The following SMAP2 variants were observed in gnomAD, a reference collection of about 807,000 sequenced individuals.
SMAP2 encodes stromal membrane-associated protein 2.
In SMAP2, 25 loss-of-function variants were observed where a neutral mutation model predicts 56.4. That is an observed-to-expected ratio of 0.44 (90% CI 0.32 to 0.62). SMAP2 has a LOEUF of 0.62. Among genes scored for constraint, SMAP2 ranks in the 20% least tolerant of loss-of-function variants. The pLI, the probability that SMAP2 is intolerant of heterozygous loss-of-function variation, is 0.04. For missense variants in SMAP2, 388 were observed against 545.6 expected (o/e 0.71, Z 2.88); for synonymous variants, 157 against 181.7 (o/e 0.86, Z 1.09).
In SMAP2 at chr1:40,354,502, C is replaced by A. The variant is rs139427509; in HGVS notation, c.-82-7798C>A. Among the ~76,000 whole-genome samples, 4 of 151,928 alleles carry A rather than the reference C, an allele frequency of 2.6e-5. No homozygotes were observed. The South Asian group carries it at 6.2e-4, about 24-fold the overall frequency. On this transcript the variant is annotated intron_variant, in intron 1 of 6. Coordinates refer to the SMAP2 transcript ENST00000435168. ...TACAGGCGCCCACCACCACACCCAG[C>A]TAATTTTTGTATTTTTAGTAGAGAT...
chr1:40,350,234 A>G (rs556218138), intron 1 of SMAP2, among the ~76,000 whole-genome samples: 75 of 152,322 alleles, frequency 4.9e-4, no homozygotes, highest in Non-Finnish European at 9.7e-4. Context: ...TTCCTGAGTC[A>G]TGGCCTTCAG....
intron 6 of SMAP2, among the ~76,000 whole-genome samples, chr1:40,414,829 G>C (rs1277256784): frequency 6.6e-6 from 1 of 152,196 alleles, no homozygotes; most frequent in Non-Finnish European, 1.5e-5. Flanking sequence ...TGCCCTTTCA[G>C]AAAGAAAGCC....
chr1:40,410,227 C>T (rs549449784), intron 4 of SMAP2, among the ~76,000 whole-genome samples: 7 of 152,094 alleles, frequency 4.6e-5, no homozygotes, highest in East Asian at 1.9e-4. Flanking sequence ...GTCTAGGCAA[C>T]GGAGTTTGAC....
intron 1 of SMAP2, among the ~76,000 whole-genome samples, chr1:40,388,203 G>C (rs1644679613): frequency 6.6e-6 from 1 of 152,148 alleles, no homozygotes; most frequent in Non-Finnish European, 1.5e-5. Context: ...ACGGCACCCG[G>C]TCCCATCAAC....
intron 1 of SMAP2, among the ~76,000 whole-genome samples, chr1:40,355,246 T>G (rs209593): frequency 0.65 from 98,553 of 152,074 alleles, 32,331 homozygotes; most frequent in East Asian, 0.92. Flanking sequence ...TCTACTCAGG[T>G]TATGATAGTG....
chr1:40,361,361 T>C (rs1206539172), intron 1 of SMAP2, among the ~76,000 whole-genome samples: 3 of 152,158 alleles, frequency 2.0e-5, no homozygotes, highest in African/African-American at 7.2e-5. Context: ...GGACTCACCA[T>C]GGGCCTTGGG....
At chr1:40,418,284 A>G (rs1331630560) in intron 9 of SMAP2, among the ~76,000 whole-genome samples, 1 of 152,216 alleles carries the variant, frequency 6.6e-6, no homozygotes, top group African/African-American at 2.4e-5. Flanking sequence ...CTAAAGAACA[A>G]TAGATTGAGC....
rs1314045003 is a variant in SMAP2 at position 40,405,099 on chromosome 1, A to G, written c.104-1637A>G. 1.4e-5 allele frequency among the ~76,000 whole-genome samples: 2 copies of G among 144,346 alleles called. 1 individual carries two copies. Among genetic ancestry groups the G allele is most frequent in the African/African-American group, 5.0e-5 (2 of 39,628 alleles). 94.7% of individuals were successfully genotyped at this position (144,346 alleles called of 152,430 possible). On this transcript the variant is annotated intron_variant, in intron 1 of 9. Transcript: ENST00000372718. ...TAAATAAGTGATATCTTTGTCAAAA[A>G]ATTACATTCTTATTTGTAATAATCA...
At chr1:40,345,804 G>A (rs1470120152) in intron 1 of SMAP2, among the ~76,000 whole-genome samples, 1 of 147,980 alleles carries the variant, frequency 6.8e-6, no homozygotes, top group Non-Finnish European at 1.5e-5. Flanking sequence ...GGAGAAAGGA[G>A]GGGAAGGTAT....
intron 9 of SMAP2, among the ~76,000 whole-genome samples, chr1:40,419,010 C>T (rs1281150305): frequency 6.6e-6 from 1 of 152,050 alleles, no homozygotes; most frequent in Non-Finnish European, 1.5e-5. Flanking sequence ...AAGACTAAAA[C>T]AAAGGTGGTG....
At chr1:40,406,925 C>G (rs1416871655) in intron 2 of SMAP2, 56 bp downstream of exon 2, 5 of 1,505,370 alleles carry the variant, frequency 3.3e-6, no homozygotes, top group African/African-American at 1.4e-5. Flanking sequence ...AAAGGAATTC[C>G]AGATGAATTT....
At position 40,360,459 on chromosome 1, in the gene SMAP2, C is replaced by T. The variant is rs145776312; in HGVS notation, c.-82-1841C>T. Among the ~76,000 whole-genome samples the T allele has an allele frequency of 4.7e-4, 72 of 152,068 alleles. No individual in the cohort carries two copies. In the East Asian group the frequency reaches 4.8e-3, roughly 10 times the overall value. The stretch of plus-strand genomic sequence containing the variant: ...GTGGGATTACAGGTACCCACTACCA[C>T]GCCTGGCTAATTTTTGTATTTTTAG... On this transcript the variant is annotated intron_variant, in intron 1 of 6. Coordinates refer to the SMAP2 transcript ENST00000435168.
intron 1 of SMAP2, among the ~76,000 whole-genome samples, chr1:40,358,132 A>T (rs1644444808): frequency 6.6e-6 from 1 of 152,104 alleles, no homozygotes; most frequent in Non-Finnish European, 1.5e-5. Context: ...TTTTATTGTT[A>T]AGATCTTTCA....
Position 40,416,191 on chromosome 1 carries a change from C to T in SMAP2, c.697C>T (p.Pro233Ser). 6.2e-7 allele frequency: 1 copy of T among 1,613,718 alleles called. No homozygotes were observed. The highest frequency in any genetic ancestry group is 8.5e-7 in the Non-Finnish European group (1 of 1,179,824). ...SGSRKVVGSMPTAGSAGSVPE... is the reference protein window; with the variant it reads ...SGSRKVVGSMSTAGSAGSVPE... Reference sequence around the variant, plus strand: ...TTGCCCTAAGGTTGTAGGTTCCATGCCAACTGCAGGGAGTGCCGGCTCTGT... The same window carrying T: ...TTGCCCTAAGGTTGTAGGTTCCATGTCAACTGCAGGGAGTGCCGGCTCTGT... Residue 233 changes from proline (P) to serine (S), a missense_variant, in exon 8 of 10, where the codon CCA becomes TCA. Physicochemically the swap from Pro to Ser is moderately conservative, Grantham distance 74. Transcript: ENST00000372718.
intron 4 of SMAP2, among the ~76,000 whole-genome samples, chr1:40,412,609 C>T (rs1203538177): frequency 2.6e-5 from 4 of 152,034 alleles, no homozygotes; most frequent in African/African-American, 7.3e-5. Context: ...TTTATGATAT[C>T]ACAAAGGACA....
chr1:40,405,543 C>T (rs928920758), intron 1 of SMAP2, among the ~76,000 whole-genome samples: 1 of 152,148 alleles, frequency 6.6e-6, no homozygotes, highest in African/African-American at 2.4e-5. Context: ...TTGTCTGTGT[C>T]CTAAAGAACT....
rs559646588 is a variant in SMAP2 at position 40,386,221 on chromosome 1, G to A, written c.103+11998G>A. Reference sequence around the variant, plus strand: ...CCAATTTGAGTGTGACAGCTGATTTGAGAAAGAATGAATTAAGAGATTCAG... The same window carrying A: ...CCAATTTGAGTGTGACAGCTGATTTAAGAAAGAATGAATTAAGAGATTCAG... On this transcript the variant is annotated intron_variant, in intron 1 of 9. Coordinates refer to ENST00000372718, the MANE Select transcript of SMAP2 (RefSeq NM_022733.3). This position sits in a 1 kb window ranked among gnomAD's most constrained non-coding sequence, Gnocchi z 4.1. 6.6e-6 allele frequency among the ~76,000 whole-genome samples: 1 copy of A among 152,324 alleles called. No homozygotes were observed. The highest frequency in any genetic ancestry group is 1.9e-4 in the East Asian group (1 of 5,192).
chr1:40,407,291 C>T (rs541305698), intron 2 of SMAP2, among the ~76,000 whole-genome samples: 13 of 152,146 alleles, frequency 8.5e-5, no homozygotes, highest in African/African-American at 3.1e-4. Flanking sequence ...TCAAGACCAG[C>T]CTGGGCAACA....
intron 8 of SMAP2, 84 bp from the exon 9 acceptor site, chr1:40,416,696 C>T: frequency 7.3e-7 from 1 of 1,360,908 alleles, no homozygotes; most frequent in African/African-American, 1.4e-5. Flanking sequence ...GAAATTCCAG[C>T]TGGAAAGGGT....
Sources: allele counts gnomAD v4.1 joint callset (sites outside exome capture counted in the v4.1 genomes callset), GRCh38; gene constraint gnomAD v4.1.1; non-coding constraint Gnocchi (gnomAD v3.1); transcripts MANE v1.5; gene names NCBI Gene and HGNC (gene_info 2026-07-23, HGNC 2026-07-21).